ZNF213: variants seen among roughly 807,000 people sequenced by gnomAD.
ZNF213 encodes putative transcription factor CR53.
In ZNF213, 32 loss-of-function variants were observed where a neutral mutation model predicts 46.0. The observed-to-expected ratio is 0.70, with a 90% CI of 0.52 to 0.93. The LOEUF (loss-of-function observed/expected upper bound fraction) is 0.93. Ranked by LOEUF, ZNF213 falls within the 40% of genes least tolerant of loss-of-function variation. The pLI is 0.00. For synonymous variants in ZNF213, 297 were observed against 271.0 expected (o/e 1.10, Z -0.94); for missense variants, 639 against 652.8 (o/e 0.98, Z 0.23).
chr16:3,140,733 A>G lies in ZNF213; in HGVS notation c.766A>G (p.Met256Val). ...AAGTGAGAAGTCCCTGCTGCAGGAG[A>G]TGGTGCCGGTGGTGCCAGGCCAGAC... ...GQSEKSLLQE[M>V]VPVVPGQTGS... Residue 256 changes from methionine to valine, a missense_variant, in exon 6 of 6, where the codon ATG becomes GTG. Transcript: ENST00000396878. The G allele has an allele frequency of 1.3e-6, 2 of 1,530,200 alleles. No individual in the cohort carries two copies. The highest frequency in any genetic ancestry group is 1.7e-6 in the Non-Finnish European group (2 of 1,145,416). 94.8% of individuals were successfully genotyped at this position (1,530,200 alleles called of 1,614,324 possible). A position where few individuals can be genotyped will look rare whatever the true frequency, so the allele number is the denominator to read the frequency against.
In ZNF213 at chr16:3,141,154, CGGGCG is replaced by C. The variant is rs1052461181; in HGVS notation, c.1188_1192del (p.Gly397GlufsTer28). ...CTGGCCGACCACCAGCGCATACACA[CGGGCG>C]AGAAGCCTTTCGGCTGCAGCGACTG... On this transcript the variant is annotated frameshift_variant, in exon 6 of 6. Coordinates refer to ENST00000396878, the MANE Select transcript of ZNF213 (RefSeq NM_004220.3). LOFTEE classifies it high-confidence loss of function. 1 of 1,612,572 alleles carries C rather than the reference CGGGCG, an allele frequency of 6.2e-7. No individual in the cohort carries two copies. Among genetic ancestry groups the C allele is most frequent in the Non-Finnish European group, 8.5e-7 (1 of 1,179,808 alleles).
intron 5 of ZNF213, chr16:3,139,345 A>C: frequency 1.9e-6 from 1 of 520,600 alleles, no homozygotes; most frequent in Non-Finnish European, 3.4e-6. Flanking sequence ...GAGTCTCACA[A>C]CCTAGTGCAT....
At chr16:3,137,002 T>G (rs753093400) in intron 1 of ZNF213, among the ~76,000 whole-genome samples, 164 bp from the exon 2 acceptor site, 6 of 152,160 alleles carry the variant, frequency 3.9e-5, no homozygotes, top group Non-Finnish European at 7.3e-5. Flanking sequence ...CTTGTGGGCC[T>G]GTGTTAATAG....
At chr16:3,138,185 T>G in intron 2 of ZNF213, 1 of 745,550 alleles carries the variant, frequency 1.3e-6, no homozygotes, top group African/African-American at 1.8e-5. Flanking sequence ...GTGGCTGTGA[T>G]TCTGGCCTTT....
rs3743933 is a variant in ZNF213, at chr16:3,141,338, C to G, written c.1371C>G (p.Pro457=). The change falls in exon 6 of 6, where the codon CCC becomes CCG. Residue 457 remains proline, a synonymous_variant. Coordinates refer to ENST00000396878, the MANE Select transcript of ZNF213 (RefSeq NM_004220.3). ...HQSLHAKMAQ[P]VG is the part of the protein sequence containing the mutation. ...GCCTGCACGCCAAGATGGCCCAGCC[C>G]GTGGGGTGAGCAGCTGGCTTGGCCG... 9.5e-4 allele frequency: 1,480 copies of G among 1,551,980 alleles called. 22 individuals carry two copies. The East Asian group carries it at 0.027, about 28-fold the overall frequency.
intron 3 of ZNF213, 63 bp downstream of exon 3, chr16:3,138,604 G>C: frequency 6.2e-7 from 1 of 1,612,202 alleles, no homozygotes; most frequent in Non-Finnish European, 8.5e-7. Context: ...CTTTGTCACC[G>C]GCGTTGCCCT....
intron 5 of ZNF213, 111 bp from the exon 6 acceptor site, chr16:3,140,578 G>A: frequency 7.2e-7 from 1 of 1,386,970 alleles, no homozygotes; most frequent in Non-Finnish European, 9.4e-7. Flanking sequence ...TGAACCCAGG[G>A]CTTTCTGAAC....
At chr16:3,135,727 G>C (rs1319952998) in intron 1 of ZNF213, among the ~76,000 whole-genome samples, 2 of 152,036 alleles carry the variant, frequency 1.3e-5, no homozygotes, top group East Asian at 3.9e-4. Context: ...AAGTCGGGGG[G>C]TACAATGGTA....
At chr16:3,137,834 C>G in intron 2 of ZNF213, 155 bp downstream of exon 2, 1 of 949,238 alleles carries the variant, frequency 1.1e-6, no homozygotes, top group South Asian at 1.7e-5. Flanking sequence ...CCATGGGTGC[C>G]TTTCTGAAAG....
At chr16:3,140,598 A>G in intron 5 of ZNF213, 91 bp from the exon 6 acceptor site, 1 of 1,422,994 alleles carries the variant, frequency 7.0e-7, no homozygotes, top group Non-Finnish European at 9.2e-7. Flanking sequence ...CCTGGAGGCC[A>G]GGGAGCTTTC....
rs1957521926 is a variant in ZNF213 at position 3,135,278 on chromosome 16, C to G, written c.-225C>G. The G allele has an allele frequency of 6.6e-6, 1 of 152,466 alleles. No homozygotes were observed. Among genetic ancestry groups the G allele is most frequent in the Non-Finnish European group, 1.5e-5 (1 of 68,110 alleles). 9.4% of individuals were successfully genotyped at this position (152,466 alleles called of 1,614,324 possible). ...CCGCTCTGCCAGCTTGGTCCCCCGG[C>G]AGACGCCCCTGTACGATCGCCGCTC... On this transcript the variant is annotated 5_prime_UTR_variant, in exon 1 of 6. Transcript: ENST00000396878.
chr16:3,139,778 T>C (rs1270267558), intron 5 of ZNF213: 4 of 151,692 alleles, frequency 2.6e-5, no homozygotes, highest in Admixed American at 2.6e-4. Context: ...GGAGTCTTGC[T>C]CTGTCGCCAG....
chr16:3,139,292 CG>C (rs1369551607), intron 5 of ZNF213, 194 bp downstream of exon 5: 26 of 764,618 alleles, frequency 3.4e-5, no homozygotes, highest in Non-Finnish European at 4.6e-5. Context: ...ACGGCGCCGG[CG>C]CTGCCCAGCC....
Position 3,139,640 on chromosome 16 carries a change from C to G in ZNF213, c.721+542C>G, listed in dbSNP as rs79034599. 8.4e-5 allele frequency: 13 copies of G among 155,238 alleles called. No individual in the cohort carries two copies. In the East Asian group the frequency reaches 2.1e-3, roughly 25 times the overall value. The allele number at this position is 155,238 out of a possible 1,614,324, so 9.6% of individuals were successfully genotyped here. Reference sequence around the variant, plus strand: ...GATGGGCTGCGACCTCTGTCCAGATCTGTGTTGAGTTTGGAGAACTAGAGC... The same window carrying G: ...GATGGGCTGCGACCTCTGTCCAGATGTGTGTTGAGTTTGGAGAACTAGAGC... On this transcript the variant is annotated intron_variant, in intron 5 of 5. Coordinates refer to ENST00000396878, the MANE Select transcript of ZNF213 (RefSeq NM_004220.3).
intron 2 of ZNF213, chr16:3,138,007 A>C (rs1017990130): frequency 1.1e-5 from 5 of 471,382 alleles, no homozygotes; most frequent in Non-Finnish European, 1.9e-5. Flanking sequence ...AAGGGTGTGC[A>C]TAGAGCCAGC....
At chr16:3,136,941 C>G (rs1469251126) in intron 1 of ZNF213, among the ~76,000 whole-genome samples, 1 of 152,040 alleles carries the variant, frequency 6.6e-6, no homozygotes, top group African/African-American at 2.4e-5. Flanking sequence ...GTTTTGCTGT[C>G]AAAGAGTTAT....
chr16:3,138,409 C>T lies in ZNF213; in HGVS notation c.400-9C>T. 1 of 1,613,452 alleles carries T rather than the reference C, an allele frequency of 6.2e-7. No individual in the cohort carries two copies. Among genetic ancestry groups the T allele is most frequent in the Admixed American group, 1.7e-5 (1 of 59,880 alleles). Reference sequence around the variant, plus strand: ...TCGGGCTGATGAGCATGTTGTGGTTCCTGCACAGGATGTGCCCTCGGAGGA... The same window carrying T: ...TCGGGCTGATGAGCATGTTGTGGTTTCTGCACAGGATGTGCCCTCGGAGGA... On this transcript the variant is annotated splice_polypyrimidine_tract_variant and intron_variant, in intron 2 of 5. Transcript: ENST00000396878.
At chr16:3,138,161 T>C in intron 2 of ZNF213, 2 of 615,306 alleles carry the variant, frequency 3.3e-6, no homozygotes, top group South Asian at 4.2e-5. Flanking sequence ...GGTCCCCAGC[T>C]ACCCCCTTGC....
chr16:3,135,098 TCGGGGG>T lies in ZNF213; in HGVS notation c.-385_-380del, dbSNP rs79101942. 15,977 of 79,330 alleles carry T rather than the reference TCGGGGG, an allele frequency of 0.2. 1,233 individuals are homozygous for T. Among genetic ancestry groups the T allele is most frequent in the Non-Finnish European group, 0.24 (10,240 of 42,158 alleles). 4.9% of individuals were successfully genotyped at this position (79,330 alleles called of 1,614,324 possible). A position where few individuals can be genotyped will look rare whatever the true frequency, so the allele number is the denominator to read the frequency against. On this transcript the variant is annotated 5_prime_UTR_variant, in exon 1 of 6. Coordinates refer to ENST00000396878, the MANE Select transcript of ZNF213 (RefSeq NM_004220.3). ...TGGGCCGTAGTGGGCGTTGTGTGTT[TCGGGGG>T]CGGGGGCGGGGGCGGGGGCCGGGGC...
Sources: gnomAD v4.1 joint callset for allele counts (sites outside exome capture counted in the v4.1 genomes callset) on GRCh38, gnomAD v4.1.1 for gene constraint, MANE v1.5 for transcripts, NCBI Gene and HGNC (gene_info 2026-07-23, HGNC 2026-07-21) for gene names.